The following HTT variants were observed in gnomAD, a reference collection of about 807,000 sequenced individuals.
The protein encoded by HTT is huntingtin, also known as huntington disease protein.
HTT carries 104 observed loss-of-function variants against 362.3 expected under a neutral mutation model. The ratio of observed to expected loss-of-function variants is 0.29; its 90% CI spans 0.24 to 0.34. The LOEUF (loss-of-function observed/expected upper bound fraction) is 0.34. Among genes scored for constraint, HTT ranks in the 10% least tolerant of loss-of-function variants. HTT has a pLI of 1.00. For synonymous variants in HTT, 1,577 were observed against 1,548.7 expected (o/e 1.02, Z -0.43); for missense variants, 3,301 against 3,928.6 (o/e 0.84, Z 4.27).
chr4:3,141,070 G>A (rs1560566135), intron 22 of HTT, among the ~76,000 whole-genome samples: 1 of 152,228 alleles, frequency 6.6e-6, no homozygotes, highest in African/African-American at 2.4e-5. Flanking sequence ...CACTAGTTCA[G>A]TGATTTGCGA....
chr4:3,127,434 G>T lies in HTT; in HGVS notation c.1573G>T (p.Asp525Tyr). Residue 525 changes from aspartate (D) to tyrosine (Y), a missense_variant, in exon 12 of 67, where the codon GAT (aspartate) becomes TAT (tyrosine). Physicochemically the swap from Asp to Tyr is radical, Grantham distance 160. This residue lies in a region of HTT where 2,316 missense variants were observed against 2,658.5 expected (regional missense o/e 0.87). Coordinates refer to ENST00000355072, the MANE Select transcript of HTT (RefSeq NM_001388492.1). ...CTTGACAAGCTCTGCCACTGATGGG[G>T]ATGAGGAGGATATCTTGAGCCACAG... ...CDLTSSATDG[D>Y]EEDILSHSSS... 1 of 1,614,166 alleles carries T rather than the reference G, an allele frequency of 6.2e-7. No individual in the cohort carries two copies. The highest frequency in any genetic ancestry group is 8.5e-7 in the Non-Finnish European group (1 of 1,180,020).
In HTT at chr4:3,241,630, G is replaced by A. The variant is rs538929778; in HGVS notation, c.*1571G>A. On this transcript the variant is annotated 3_prime_UTR_variant, in exon 67 of 67. Coordinates refer to ENST00000355072, the MANE Select transcript of HTT (RefSeq NM_001388492.1). ...ATTGAATGTGGTAAGTGGAGGAAAT[G>A]TTGGAACTCTGTGCAGGTGCTGCCT... 1 of 152,444 alleles carries A rather than the reference G, an allele frequency of 6.6e-6. No individual in the cohort carries two copies. The highest frequency in any genetic ancestry group is 2.1e-4 in the South Asian group (1 of 4,830). The allele number at this position is 152,444 out of a possible 1,614,324, so 9.4% of individuals were successfully genotyped here.
Position 3,220,421 on chromosome 4 carries a change from GATA to G in HTT, c.7369+120_7369+122del, listed in dbSNP as rs2110285500. The G allele has an allele frequency of 4.5e-6, 5 of 1,114,138 alleles. No homozygotes were observed. In the South Asian group the frequency reaches 7.5e-5, roughly 17 times the overall value. 69.0% of individuals were successfully genotyped at this position (1,114,138 alleles called of 1,614,324 possible). A position where few individuals can be genotyped will look rare whatever the true frequency, so the allele number is the denominator to read the frequency against. ...TTGACTCCAGAAAAGATTTAAGCAT[GATA>G]ATAATACAAACCTATGTGAATACAT... is the stretch of plus-strand genomic sequence containing the variant. On this transcript the variant is annotated intron_variant, in intron 53 of 66. Coordinates refer to ENST00000355072, the MANE Select transcript of HTT (RefSeq NM_001388492.1).
At chr4:3,179,035 G>A (rs139285544) in intron 35 of HTT, among the ~76,000 whole-genome samples, 6 of 152,286 alleles carry the variant, frequency 3.9e-5, no homozygotes, top group African/African-American at 1.4e-4. Flanking sequence ...TTCCAGCATT[G>A]CCCTATTGAC....
intron 65 of HTT, 73 bp from the exon 66 acceptor site, chr4:3,238,745 C>A: frequency 8.5e-7 from 1 of 1,173,380 alleles, no homozygotes; most frequent in South Asian, 1.5e-5. Context: ...CACCCCACCC[C>A]CGCCACCCAG....
chr4:3,132,471 T>C, intron 16 of HTT, 91 bp from the exon 17 acceptor site: 2 of 1,121,810 alleles, frequency 1.8e-6, no homozygotes, highest in African/African-American at 1.5e-5. Flanking sequence ...TTCACACCTC[T>C]TTTTCTCTTT....
intron 1 of HTT, among the ~76,000 whole-genome samples, chr4:3,081,165 T>A (rs975591806): frequency 5.9e-5 from 9 of 152,208 alleles, no homozygotes; most frequent in African/African-American, 2.2e-4. Flanking sequence ...AATCTGTAGA[T>A]CAACTTGGGG....
Position 3,122,950 on chromosome 4 carries a change from A to G in HTT, c.1321+14A>G. ...GAAAACAAAAAGGTGATTATTTCAG[A>G]AATCAGAGTCTTGTGTTGAATCTTA... is the stretch of plus-strand genomic sequence containing the variant. On this transcript the variant is annotated intron_variant, in intron 10 of 66. Coordinates refer to ENST00000355072, the MANE Select transcript of HTT (RefSeq NM_001388492.1). 6.2e-7 allele frequency: 1 copy of G among 1,604,478 alleles called. No individual in the cohort carries two copies. The highest frequency in any genetic ancestry group is 8.5e-7 in the Non-Finnish European group (1 of 1,173,058).
intron 21 of HTT, among the ~76,000 whole-genome samples, chr4:3,139,661 G>GT (rs1166414315): frequency 6.6e-6 from 1 of 152,158 alleles, no homozygotes; most frequent in Non-Finnish European, 1.5e-5. Context: ...GAACCCTTTT[G>GT]TTTTTGTAGG....
chr4:3,238,735 C>A, intron 65 of HTT, 83 bp from the exon 66 acceptor site: 1 of 1,047,592 alleles, frequency 9.5e-7, no homozygotes, highest in East Asian at 2.5e-5. Context: ...CTCTGGCCCC[C>A]ACCCCACCCC....
chr4:3,196,108 T>G lies in HTT; in HGVS notation c.5369-3624T>G, dbSNP rs538823119. On this transcript the variant is annotated intron_variant, in intron 40 of 66. Transcript: ENST00000355072. ...CAGGCGGGTGTCACCATGGGATTAG[T>G]GGTGGCTTCAGAATGAGCTGCAGCG... Among the ~76,000 whole-genome samples, 19 of 152,296 alleles carry G rather than the reference T, an allele frequency of 1.2e-4. No individual in the cohort carries two copies. The East Asian group carries it at 2.9e-3, about 23-fold the overall frequency.
rs748443250 is a variant in HTT, at chr4:3,173,001, G to A, written c.4036G>A (p.Gly1346Ser). 7.4e-6 allele frequency: 12 copies of A among 1,614,136 alleles called. No individual in the cohort carries two copies. The South Asian group carries it at 1.2e-4, about 16-fold the overall frequency. ...GTCACAAGGCCGAGCACAGCGCCTT[G>A]GCTCCTCCAGTGTGAGGCCAGGCTT... ...SKSQGRAQRLGSSSVRPGLYH... is the reference protein window; with the variant it reads ...SKSQGRAQRLSSSSVRPGLYH... The change falls in exon 31 of 67, where the codon GGC (glycine) becomes AGC (serine). Residue 1346 changes from glycine to serine, a missense_variant. Coordinates refer to ENST00000355072, the MANE Select transcript of HTT (RefSeq NM_001388492.1).
At chr4:3,231,297 C>T (rs1560605290) in intron 60 of HTT, among the ~76,000 whole-genome samples, 1 of 152,208 alleles carries the variant, frequency 6.6e-6, no homozygotes, top group Non-Finnish European at 1.5e-5. Flanking sequence ...GGACGGGCTC[C>T]TGTGTGTCAG....
intron 52 of HTT, among the ~76,000 whole-genome samples, chr4:3,219,443 A>G (rs1041164111): frequency 3.3e-5 from 5 of 152,198 alleles, no homozygotes; most frequent in African/African-American, 1.2e-4. Flanking sequence ...AGGCAGCTGT[A>G]ACAGGCACTG....
At chr4:3,081,474 C>A (rs1319266027) in intron 1 of HTT, among the ~76,000 whole-genome samples, 1 of 150,740 alleles carries the variant, frequency 6.6e-6, no homozygotes, top group Non-Finnish European at 1.5e-5. Flanking sequence ...AGCTTGTGAA[C>A]TAGCCAAAAA....
intron 2 of HTT, among the ~76,000 whole-genome samples, chr4:3,097,987 A>C (rs1713948137): frequency 6.6e-6 from 1 of 152,246 alleles, no homozygotes; most frequent in African/African-American, 2.4e-5. Flanking sequence ...TTATTTCTTC[A>C]CATTAATTAC....
intron 56 of HTT, 88 bp from the exon 57 acceptor site, chr4:3,225,573 T>C: frequency 8.2e-7 from 1 of 1,212,546 alleles, no homozygotes; most frequent in East Asian, 2.5e-5. Context: ...GCTGGGTGCC[T>C]GTCTGGGCAG....
rs775722498 is a variant in HTT, at chr4:3,187,769, C to T, written c.5108C>T (p.Pro1703Leu). 7 of 1,612,008 alleles carry T rather than the reference C, an allele frequency of 4.3e-6. No individual in the cohort carries two copies. In the African/African-American group the frequency reaches 5.3e-5, roughly 12 times the overall value. Residue 1703 changes from proline to leucine, a missense_variant, in exon 39 of 67, where the codon CCG becomes CTG. By Grantham distance (98) the Pro-to-Leu change is moderately conservative. Coordinates refer to ENST00000355072, the MANE Select transcript of HTT (RefSeq NM_001388492.1). ...CGTATTCAGGAGCTCTCCTTCTCTC[C>T]GTATTTAATCTCCTGTACAGTAATT... is the stretch of plus-strand genomic sequence containing the variant. ...LSRIQELSFS[P>L]YLISCTVINR...
intron 65 of HTT, 88 bp from the exon 66 acceptor site, chr4:3,238,730 G>GGCCCCACCCCCCCCCCCCCCC: frequency 9.1e-7 from 1 of 1,097,040 alleles, no homozygotes; most frequent in Non-Finnish European, 1.3e-6. Flanking sequence ...AATGCCTCTG[G>GGCCCCACCCCCCCCCCCCCCC]CCCCCACCCC....
Sources: allele counts gnomAD v4.1 joint callset (sites outside exome capture counted in the v4.1 genomes callset), GRCh38; gene constraint gnomAD v4.1.1; regional missense constraint gnomAD v4.1.1; transcripts MANE v1.5; gene names NCBI Gene and HGNC (gene_info 2026-07-23, HGNC 2026-07-21).